The following PDLIM5 variants were observed in gnomAD, a reference collection of about 807,000 sequenced individuals.
The protein encoded by PDLIM5 is PDZ and LIM domain protein 5.
A neutral mutation model predicts 64.2 loss-of-function variants in PDLIM5; 34 were observed. The observed-to-expected ratio is 0.53, with a 90% CI of 0.40 to 0.71. The LOEUF (loss-of-function observed/expected upper bound fraction) is 0.71, where lower values mean the gene tolerates loss of function less well. Ranked by LOEUF, PDLIM5 falls within the 30% of genes least tolerant of loss-of-function variation. The pLI, the probability that PDLIM5 is intolerant of heterozygous loss-of-function variation, is 0.00. For synonymous variants in PDLIM5, 253 were observed against 269.1 expected (o/e 0.94, Z 0.59); for missense variants, 683 against 733.6 (o/e 0.93, Z 0.80).
At chr4:94,622,795 T>G (rs1187808767) in intron 8 of PDLIM5, among the ~76,000 whole-genome samples, 1 of 151,960 alleles carries the variant, frequency 6.6e-6, no homozygotes, top group African/African-American at 2.4e-5. Flanking sequence ...CTTAGCCTCC[T>G]GAGTAGCTGG....
intron 8 of PDLIM5, among the ~76,000 whole-genome samples, chr4:94,620,138 CT>C (rs1739104256): frequency 6.6e-6 from 1 of 152,182 alleles, no homozygotes; most frequent in African/African-American, 2.4e-5. Context: ...TACTACCATG[CT>C]TTTGAAAGTT....
intron 2 of PDLIM5, among the ~76,000 whole-genome samples, chr4:94,490,126 TG>T: frequency 6.6e-6 from 1 of 151,982 alleles, no homozygotes; most frequent in African/African-American, 2.4e-5. Flanking sequence ...AAATATGAAC[TG>T]TGGGGGGTAT....
chr4:94,569,264 A>G (rs567924263), intron 3 of PDLIM5, among the ~76,000 whole-genome samples: 1 of 152,282 alleles, frequency 6.6e-6, no homozygotes, highest in Non-Finnish European at 1.5e-5. Context: ...GATGATAACT[A>G]GTCTCCCACT....
chr4:94,544,729 C>T (rs1455069791), intron 3 of PDLIM5, among the ~76,000 whole-genome samples: 3 of 152,216 alleles, frequency 2.0e-5, no homozygotes, highest in Non-Finnish European at 4.4e-5. Context: ...AATCTCAGCT[C>T]ACTACAACCT....
At chr4:94,577,581 C>CTCTTT (rs1735393528) in intron 5 of PDLIM5, among the ~76,000 whole-genome samples, 1 of 106,858 alleles carries the variant, frequency 9.4e-6, no homozygotes, top group Admixed American at 1.0e-4. Flanking sequence ...TGGTCGTAAT[C>CTCTTT]TTTTTTTTTT....
At chr4:94,627,411 C>T (rs1739786744) in intron 8 of PDLIM5, among the ~76,000 whole-genome samples, 1 of 152,208 alleles carries the variant, frequency 6.6e-6, no homozygotes, top group Non-Finnish European at 1.5e-5. Context: ...TCTTTCTCCC[C>T]ATTTTCTTCT....
intron 2 of PDLIM5, among the ~76,000 whole-genome samples, chr4:94,496,015 A>T (rs1727357255): frequency 6.6e-6 from 1 of 152,008 alleles, no homozygotes; most frequent in Non-Finnish European, 1.5e-5. Context: ...AGGAATGGGG[A>T]CTTCACAGTC....
At chr4:94,455,937 C>A in intron 2 of PDLIM5, 1 of 1,492,792 alleles carries the variant, frequency 6.7e-7, no homozygotes, top group South Asian at 1.2e-5. Flanking sequence ...TGAGATTTGG[C>A]TTTTTACCTC....
intron 6 of PDLIM5, among the ~76,000 whole-genome samples, chr4:94,586,075 C>T (rs1327470095): frequency 6.6e-6 from 1 of 152,090 alleles, no homozygotes; most frequent in African/African-American, 2.4e-5. Flanking sequence ...GAGCCTGAGG[C>T]AGGAGAATCA....
intron 2 of PDLIM5, among the ~76,000 whole-genome samples, chr4:94,480,926 T>C (rs1008919480): frequency 1.3e-5 from 2 of 152,212 alleles, no homozygotes; most frequent in Non-Finnish European, 2.9e-5. Context: ...TGGCTCAAGA[T>C]CCCTTGTGTA....
Position 94,657,537 on chromosome 4 carries a change from CTG to C in PDLIM5, c.1578_1579del (p.Cys526Ter). The C allele has an allele frequency of 6.2e-7, 1 of 1,610,654 alleles. No homozygotes were observed. The highest frequency in any genetic ancestry group is 8.5e-7 in the Non-Finnish European group (1 of 1,177,194). ...VFHLEDGEPY[C>X]ETDYYALFGT... ...TTCACTTGGAGGATGGTGAACCCTA[CTG>C]TGAGACTGGTAAGATCAGGGAGCCA... is the stretch of plus-strand genomic sequence containing the variant. On this transcript the variant is annotated frameshift_variant, in exon 11 of 13. Transcript: ENST00000317968. LOFTEE classifies it high-confidence loss of function.
In PDLIM5 at chr4:94,583,217, A is replaced by G. The variant is rs112073546; in HGVS notation, c.711-2348A>G. Reference sequence around the variant, plus strand: ...AAAACACTAAATGTTTAGAAACTTTATATCATTTGACATAAGACCTTAAGG... The same window carrying G: ...AAAACACTAAATGTTTAGAAACTTTGTATCATTTGACATAAGACCTTAAGG... On this transcript the variant is annotated intron_variant, in intron 5 of 12. Transcript: ENST00000317968. 8.3e-3 allele frequency among the ~76,000 whole-genome samples: 1,258 copies of G among 152,242 alleles called. 26 individuals are homozygous for G. The highest frequency in any genetic ancestry group is 0.028 in the African/African-American group (1,147 of 41,578).
At chr4:94,515,656 T>C (rs1406997930) in intron 2 of PDLIM5, among the ~76,000 whole-genome samples, 1 of 152,228 alleles carries the variant, frequency 6.6e-6, no homozygotes, top group Non-Finnish European at 1.5e-5. Flanking sequence ...GTGGTCCCAC[T>C]CAATGGAATA....
At chr4:94,650,540 T>C (rs1411556175) in intron 9 of PDLIM5, among the ~76,000 whole-genome samples, 1 of 152,210 alleles carries the variant, frequency 6.6e-6, no homozygotes, top group African/African-American at 2.4e-5. Context: ...AGTATTACAG[T>C]TAGTTCGTCA....
At chr4:94,529,928 A>C (rs542036578) in intron 3 of PDLIM5, among the ~76,000 whole-genome samples, 139 of 152,326 alleles carry the variant, frequency 9.1e-4, no homozygotes, top group African/African-American at 3.2e-3. Flanking sequence ...ATCAAAGTGG[A>C]TCATTTTTTA....
At chr4:94,653,308 G>A (rs1402481673) in intron 9 of PDLIM5, among the ~76,000 whole-genome samples, 2 of 152,094 alleles carry the variant, frequency 1.3e-5, no homozygotes, top group African/African-American at 4.8e-5. Flanking sequence ...CATAATAACT[G>A]TCCTGGTCTG....
At chr4:94,562,015 T>TGGTAGATC (rs1733897756) in intron 3 of PDLIM5, among the ~76,000 whole-genome samples, 1 of 152,234 alleles carries the variant, frequency 6.6e-6, no homozygotes, top group South Asian at 2.1e-4. Flanking sequence ...ATTGTGTTGT[T>TGGTAGATC]GGTAGATCTG....
At chr4:94,489,961 G>A (rs1198841510) in intron 2 of PDLIM5, among the ~76,000 whole-genome samples, 3 of 151,618 alleles carry the variant, frequency 2.0e-5, no homozygotes, top group Non-Finnish European at 4.4e-5. Context: ...AGGTCAGTAC[G>A]TATAGACATT....
intron 8 of PDLIM5, 131 bp from the exon 9 acceptor site, chr4:94,640,145 C>T (rs1373626529): frequency 4.3e-6 from 2 of 464,458 alleles, no homozygotes; most frequent in Admixed American, 3.9e-5. Context: ...TTCATAACCT[C>T]ACTGTAAATG....
Sources: gnomAD v4.1 joint callset for allele counts (sites outside exome capture counted in the v4.1 genomes callset) on GRCh38, gnomAD v4.1.1 for gene constraint, MANE v1.5 for transcripts, NCBI Gene and HGNC (gene_info 2026-07-23, HGNC 2026-07-21) for gene names.